The following NME8 variants were observed in gnomAD, a reference collection of about 807,000 sequenced individuals.
The protein encoded by NME8 is NME/NM23 family member 8.
In NME8, 72 loss-of-function variants were observed where a neutral mutation model predicts 82.3. The observed-to-expected ratio is 0.87, with a 90% CI of 0.72 to 1.06. NME8 has a LOEUF of 1.06. Ranked by LOEUF, NME8 falls within the 50% of genes least tolerant of loss-of-function variation. The pLI, the probability that NME8 is intolerant of heterozygous loss-of-function variation, is 0.00. For synonymous variants in NME8, 267 were observed against 228.5 expected, an observed-to-expected ratio of 1.17 and a Z score of -1.52; for missense variants, 712 against 685.4, an observed-to-expected ratio of 1.04 and a Z score of -0.43.
chr7:37,868,623 T>C (rs938660282), intron 11 of NME8, among the ~76,000 whole-genome samples: 1 of 152,114 alleles, frequency 6.6e-6, no homozygotes. Flanking sequence ...TTTCCCTGTT[T>C]GTCTTCCTAG....
intron 13 of NME8, among the ~76,000 whole-genome samples, chr7:37,884,720 A>G (rs763786199): frequency 4.6e-5 from 7 of 152,226 alleles, no homozygotes; most frequent in East Asian, 1.9e-4. Context: ...GGTGTACAAT[A>G]CTATGAAGTT....
At chr7:37,860,306 C>T in intron 6 of NME8, among the ~76,000 whole-genome samples, 1 of 152,150 alleles carries the variant, frequency 6.6e-6, no homozygotes, top group South Asian at 2.1e-4. Context: ...TACTTCTTTT[C>T]TTTTCATCCC....
rs1373148215 is a variant in NME8, at chr7:37,900,384, A to G, written c.*156A>G. ...ATGGCTATGCATAATAACAATAAAA[A>G]TGTATTCCCCAAACAAATCTTAATG... On this transcript the variant is annotated 3_prime_UTR_variant, in exon 18 of 18. Coordinates refer to ENST00000199447, the MANE Select transcript of NME8 (RefSeq NM_016616.5). 3 of 152,212 alleles carry G rather than the reference A, an allele frequency of 2.0e-5. No homozygotes were observed. Among genetic ancestry groups the G allele is most frequent in the African/African-American group, 7.2e-5 (3 of 41,458 alleles). The allele number at this position is 152,212 out of a possible 1,614,324, so 9.4% of individuals were successfully genotyped here.
At chr7:37,882,616 A>AG (rs59313551) in intron 12 of NME8, among the ~76,000 whole-genome samples, 15 of 81,522 alleles carry the variant, frequency 1.8e-4, no homozygotes, top group South Asian at 3.5e-4. Flanking sequence ...AGAGAGAGAG[A>AG]AAGAAAGAAA....
At chr7:37,858,729 T>C (rs1413022400) in intron 6 of NME8, among the ~76,000 whole-genome samples, 1 of 152,138 alleles carries the variant, frequency 6.6e-6, no homozygotes, top group African/African-American at 2.4e-5. Flanking sequence ...GGTCACATTG[T>C]AGAGGCTGGA....
At chr7:37,858,892 T>C (rs559222305) in intron 6 of NME8, among the ~76,000 whole-genome samples, 1 of 152,158 alleles carries the variant, frequency 6.6e-6, no homozygotes, top group Non-Finnish European at 1.5e-5. Flanking sequence ...CTCCCTACAG[T>C]AATGAGTGAG....
intron 6 of NME8, among the ~76,000 whole-genome samples, chr7:37,858,135 T>C (rs750050086): frequency 5.3e-5 from 8 of 152,186 alleles, no homozygotes; most frequent in Non-Finnish European, 7.3e-5. Flanking sequence ...CAGTTAGTGC[T>C]AAATTGTGTG....
chr7:37,871,040 C>T (rs1784759498), intron 11 of NME8, among the ~76,000 whole-genome samples: 1 of 152,192 alleles, frequency 6.6e-6, no homozygotes, highest in Non-Finnish European at 1.5e-5. Flanking sequence ...CCCCTCTCCC[C>T]TATCTCCCAG....
At chr7:37,879,206 TG>T (rs1784905671) in intron 12 of NME8, among the ~76,000 whole-genome samples, 1 of 152,108 alleles carries the variant, frequency 6.6e-6, no homozygotes, top group South Asian at 2.1e-4. Context: ...TGGAGTGCAA[TG>T]GGGTGACCTC....
intron 7 of NME8, 124 bp downstream of exon 7, chr7:37,862,268 A>G (rs1257447651): frequency 2.8e-6 from 2 of 718,462 alleles, no homozygotes; most frequent in Non-Finnish European, 5.0e-6. Context: ...TTTAATTTTA[A>G]AAAAGTACAT....
chr7:37,883,080 T>C (rs553105782), intron 12 of NME8, among the ~76,000 whole-genome samples: 14 of 152,300 alleles, frequency 9.2e-5, no homozygotes, highest in Admixed American at 7.2e-4. Context: ...ATCTCCAGGA[T>C]TCTCAAGGAT....
chr7:37,861,810 T>A (rs951600058), intron 6 of NME8, among the ~76,000 whole-genome samples: 1 of 152,156 alleles, frequency 6.6e-6, no homozygotes, highest in Non-Finnish European at 1.5e-5. Flanking sequence ...CTGGAGGACA[T>A]GCAAATTGGA....
At chr7:37,890,282 A>T (rs1785108447) in intron 15 of NME8, among the ~76,000 whole-genome samples, 1 of 152,004 alleles carries the variant, frequency 6.6e-6, no homozygotes, top group African/African-American at 2.4e-5. Context: ...CTGTAATAAA[A>T]CAGTACACAA....
chr7:37,884,202 A>T (rs1005243195), intron 12 of NME8, 101 bp from the exon 13 acceptor site: 10 of 847,964 alleles, frequency 1.2e-5, no homozygotes, highest in Non-Finnish European at 2.0e-5. Flanking sequence ...TTCGTATGAG[A>T]ATAAAGTGCA....
intron 11 of NME8, among the ~76,000 whole-genome samples, chr7:37,870,178 C>A (rs1345141402): frequency 6.7e-6 from 1 of 150,356 alleles, no homozygotes; most frequent in Non-Finnish European, 1.5e-5. Flanking sequence ...CTGGGGCACA[C>A]TGGAAGAAGA....
At chr7:37,892,324 C>T (rs1403492845) in intron 15 of NME8, among the ~76,000 whole-genome samples, 1 of 151,126 alleles carries the variant, frequency 6.6e-6, no homozygotes, top group Admixed American at 6.6e-5. Context: ...AATATTAGTT[C>T]TGTTCCATTG....
At chr7:37,899,366 A>G (rs1219305264) in intron 17 of NME8, among the ~76,000 whole-genome samples, 1 of 152,216 alleles carries the variant, frequency 6.6e-6, no homozygotes, top group Non-Finnish European at 1.5e-5. Flanking sequence ...AGGGAATGAG[A>G]TCGTGTCCTT....
At chr7:37,899,852 C>T (rs1785287363) in intron 17 of NME8, among the ~76,000 whole-genome samples, 1 of 152,104 alleles carries the variant, frequency 6.6e-6, no homozygotes. Context: ...CCCAGGCCAC[C>T]CCACAACCCT....
chr7:37,860,286 T>G (rs543482988), intron 6 of NME8, among the ~76,000 whole-genome samples: 1 of 152,350 alleles, frequency 6.6e-6, no homozygotes. Flanking sequence ...AGACTTTTTA[T>G]ATTTAATTTT....
Sources: gnomAD v4.1 joint callset for allele counts (sites outside exome capture counted in the v4.1 genomes callset) on GRCh38, gnomAD v4.1.1 for gene constraint, MANE v1.5 for transcripts, NCBI Gene and HGNC (gene_info 2026-07-23, HGNC 2026-07-21) for gene names.